The following RBM45 variants were observed in gnomAD, a reference collection of about 807,000 sequenced individuals.
The protein encoded by RBM45 is RNA-binding protein 45.
Under a neutral mutation model 58.5 loss-of-function variants are expected in RBM45, and 39 were observed. The ratio of observed to expected loss-of-function variants is 0.67; its 90% CI spans 0.52 to 0.87. The LOEUF (loss-of-function observed/expected upper bound fraction) is 0.87, where lower values mean the gene tolerates loss of function less well. Among genes scored for constraint, RBM45 ranks in the 40% least tolerant of loss-of-function variants. The pLI, the probability that RBM45 is intolerant of heterozygous loss-of-function variation, is 0.00. For synonymous variants in RBM45, 193 were observed against 203.0 expected (o/e 0.95, Z 0.42); for missense variants, 481 against 581.6 (o/e 0.83, Z 1.78).
At chr2:178,123,270 A>G (rs138226559) in intron 5 of RBM45, among the ~76,000 whole-genome samples, 126 of 152,328 alleles carry the variant, frequency 8.3e-4, no homozygotes, top group African/African-American at 2.8e-3. Flanking sequence ...ATTAGACAGG[A>G]CGTATGTTAA....
chr2:178,136,296 C>T (rs190428500), intron 3 of RBM45, among the ~76,000 whole-genome samples: 2 of 152,300 alleles, frequency 1.3e-5, no homozygotes, highest in African/African-American at 2.4e-5. Context: ...AGCGACAGAG[C>T]GAGACTCCGT....
intron 8 of RBM45, among the ~76,000 whole-genome samples, chr2:178,124,552 G>A (rs940925086): frequency 2.6e-5 from 4 of 152,148 alleles, no homozygotes; most frequent in Non-Finnish European, 4.4e-5. Flanking sequence ...AGTGGCTCAT[G>A]CCTGTAATCC....
At chr2:178,122,287 G>T (rs183244048) in intron 5 of RBM45, among the ~76,000 whole-genome samples, 1 of 152,126 alleles carries the variant, frequency 6.6e-6, no homozygotes, top group East Asian at 1.9e-4. Flanking sequence ...TACTTGGTTG[G>T]CATCTCTTCC....
At chr2:178,133,282 A>G (rs564602587), downstream of RBM45, among the ~76,000 whole-genome samples, 10 of 152,360 alleles carry the variant, frequency 6.6e-5, no homozygotes, top group South Asian at 2.1e-3. Flanking sequence ...TGTAAAGGAT[A>G]GTAATTGTTT....
At chr2:178,118,566 G>A (rs1332421321) in intron 3 of RBM45, among the ~76,000 whole-genome samples, 1 of 151,980 alleles carries the variant, frequency 6.6e-6, no homozygotes, top group Admixed American at 6.6e-5. Context: ...AGACTATAAA[G>A]TATAACTAAT....
At chr2:178,134,036 T>C (rs894527084), downstream of RBM45, 2 of 152,198 alleles carry the variant, frequency 1.3e-5, no homozygotes, top group South Asian at 2.1e-4. Context: ...CAGCTCCCAC[T>C]ATACTTTGAG....
intron 3 of RBM45, among the ~76,000 whole-genome samples, chr2:178,119,251 A>G (rs986490838): frequency 9.2e-5 from 14 of 152,190 alleles, no homozygotes; most frequent in African/African-American, 3.1e-4. Context: ...TCATAAGTGT[A>G]TGGTAGAGTC....
chr2:178,133,227 A>T (rs1383276800), downstream of RBM45, among the ~76,000 whole-genome samples: 5 of 152,246 alleles, frequency 3.3e-5, no homozygotes, highest in African/African-American at 1.2e-4. Context: ...CAAATAACAA[A>T]TAATAGGCCA....
Position 178,112,609 on chromosome 2 carries a change from C to T in RBM45, c.63C>T (p.Asp21=). The T allele has an allele frequency of 6.2e-7, 1 of 1,613,668 alleles. No individual in the cohort carries two copies. The highest frequency in any genetic ancestry group is 8.5e-7 in the Non-Finnish European group (1 of 1,180,016). ...TCCGCCCGGGCGTGGACAGCCTGGACGAACCGCCCAACAGCCGCATCTTCC... is the reference window on the plus strand; with the variant it reads ...TCCGCCCGGGCGTGGACAGCCTGGATGAACCGCCCAACAGCCGCATCTTCC... ...GGFRPGVDSL[D]EPPNSRIFLV... The change falls in exon 1 of 10, where the codon GAC becomes GAT. Residue 21 remains aspartate (D), a synonymous_variant. Coordinates refer to ENST00000286070, the MANE Select transcript of RBM45 (RefSeq NM_152945.4).
chr2:178,118,633 A>G (rs1392764532), intron 3 of RBM45, among the ~76,000 whole-genome samples: 1 of 152,166 alleles, frequency 6.6e-6, no homozygotes, highest in Non-Finnish European at 1.5e-5. Context: ...TAACTGATAT[A>G]GATAGGGTTA....
In RBM45 at chr2:178,129,652, C is replaced by CT. The variant is rs2087983841; in HGVS notation, c.*265dup. The CT allele has an allele frequency of 1.3e-5, 2 of 152,714 alleles. No individual in the cohort carries two copies. Among genetic ancestry groups the CT allele is most frequent in the Non-Finnish European group, 2.9e-5 (2 of 68,000 alleles). The allele number at this position is 152,714 out of a possible 1,614,324, so 9.5% of individuals were successfully genotyped here. A position where few individuals can be genotyped will look rare whatever the true frequency, so the allele number is the denominator to read the frequency against. ...CAGAAATAAAGTTTTCTTTGCTTAACTAAATCATGACTTATTTATGTGAAA... is the reference window on the plus strand; with the variant it reads ...CAGAAATAAAGTTTTCTTTGCTTAACTTAAATCATGACTTATTTATGTGAAA... On this transcript the variant is annotated 3_prime_UTR_variant, in exon 10 of 10. Transcript: ENST00000286070.
intron 1 of RBM45, among the ~76,000 whole-genome samples, chr2:178,113,288 C>T (rs1225781632): frequency 7.2e-6 from 1 of 139,698 alleles, no homozygotes; most frequent in Non-Finnish European, 1.5e-5. Flanking sequence ...ACAGATGAGG[C>T]GTTAACAACT....
In RBM45 at chr2:178,116,299, G is replaced by A. The variant is rs776849417; in HGVS notation, c.338G>A (p.Arg113Gln). The A allele has an allele frequency of 1.1e-4, 177 of 1,612,390 alleles. No individual in the cohort carries two copies. The highest frequency in any genetic ancestry group is 1.4e-4 in the Non-Finnish European group (169 of 1,179,434). ...CAGTCCCGATCATCTGGAAGTCACC[G>A]AGATGTTGAAGATGAAGAACTTACA... is the stretch of plus-strand genomic sequence containing the variant. ...IAQSRSSGSHRDVEDEELTRI... is the reference protein window; with the variant it reads ...IAQSRSSGSHQDVEDEELTRI... The change falls in exon 2 of 10, where the codon CGA (arginine) becomes CAA (glutamine). Residue 113 changes from arginine (R) to glutamine (Q), a missense_variant. Coordinates refer to ENST00000286070, the MANE Select transcript of RBM45 (RefSeq NM_152945.4).
chr2:178,116,215 A>G, intron 1 of RBM45, 47 bp from the exon 2 acceptor site: 1 of 1,525,018 alleles, frequency 6.6e-7, no homozygotes, highest in East Asian at 2.4e-5. Flanking sequence ...AAGAAATGGG[A>G]AAATAGTTGA....
chr2:178,138,178 C>T (rs1220262308), exon 4 of RBM45: 1 of 152,054 alleles, frequency 6.6e-6, no homozygotes, highest in Non-Finnish European at 1.5e-5. Flanking sequence ...AGGGAAGTTC[C>T]CCCACTTTTT....
Position 178,129,562 on chromosome 2 carries a change from T to A in RBM45, c.*174T>A, listed in dbSNP as rs1434605967. On this transcript the variant is annotated 3_prime_UTR_variant, in exon 10 of 10. Coordinates refer to ENST00000286070, the MANE Select transcript of RBM45 (RefSeq NM_152945.4). Reference sequence around the variant, plus strand: ...GGGATTGCTGACATGTATTTTTGAATCCATACATTAATGCTAAAACGAATA... The same window carrying A: ...GGGATTGCTGACATGTATTTTTGAAACCATACATTAATGCTAAAACGAATA... 1 of 152,616 alleles carries A rather than the reference T, an allele frequency of 6.6e-6. No individual in the cohort carries two copies. Among genetic ancestry groups the A allele is most frequent in the Non-Finnish European group, 1.5e-5 (1 of 68,040 alleles). The allele number at this position is 152,616 out of a possible 1,614,324, so 9.5% of individuals were successfully genotyped here.
intron 8 of RBM45, among the ~76,000 whole-genome samples, chr2:178,125,285 TC>T (rs765043779): frequency 1.3e-5 from 2 of 152,210 alleles, no homozygotes; most frequent in Non-Finnish European, 2.9e-5. Flanking sequence ...ATGATTCTTG[TC>T]CTCTTAGAGC....
At chr2:178,112,947 C>T (rs1334558088) in intron 1 of RBM45, 101 bp downstream of exon 1, 36 of 1,273,562 alleles carry the variant, frequency 2.8e-5, no homozygotes, top group Non-Finnish European at 3.7e-5. Flanking sequence ...GTGGAACATC[C>T]GTTCCCGGCA....
At chr2:178,131,308 G>A (rs1439045597), downstream of RBM45, among the ~76,000 whole-genome samples, 11 of 152,180 alleles carry the variant, frequency 7.2e-5, no homozygotes, top group Admixed American at 7.2e-4. Flanking sequence ...CTGCCAGGTG[G>A]TTAATCTAAA....
Sources: allele counts gnomAD v4.1 joint callset (sites outside exome capture counted in the v4.1 genomes callset), GRCh38; gene constraint gnomAD v4.1.1; transcripts MANE v1.5; gene names NCBI Gene and HGNC (gene_info 2026-07-23, HGNC 2026-07-21).